Variants in ATP8A2 observed in about 807,000 individuals in gnomAD.
ATP8A2 encodes the protein phospholipid-transporting ATPase IB.
A neutral mutation model predicts 165.6 loss-of-function variants in ATP8A2; 100 were observed. That is an observed-to-expected ratio of 0.60 (90% confidence interval 0.51 to 0.71). ATP8A2 has a LOEUF of 0.71. ATP8A2 is among the 30% of genes least tolerant of loss of function. The pLI is 0.00. For missense variants in ATP8A2, 1,227 were observed against 1,479.5 expected (o/e 0.83, Z 2.80); for synonymous variants, 543 against 548.8 (o/e 0.99, Z 0.15).
At chr13:25,871,110 GTTT>G in intron 33 of ATP8A2, 2 of 199,644 alleles carry the variant, frequency 1.0e-5, no homozygotes, top group Non-Finnish European at 1.1e-5. Context: ...TGATTGAGTG[GTTT>G]TTTTTTTTCT....
intron 33 of ATP8A2, among the ~76,000 whole-genome samples, chr13:25,899,018 G>A (rs566785293): frequency 6.6e-6 from 1 of 152,312 alleles, no homozygotes; most frequent in Admixed American, 6.5e-5. Flanking sequence ...CTCACGCATG[G>A]TGCCCTGCAC....
chr13:25,797,956 A>G (rs1244147725), intron 27 of ATP8A2, among the ~76,000 whole-genome samples: 1 of 152,206 alleles, frequency 6.6e-6, no homozygotes, highest in Admixed American at 6.5e-5. Context: ...AAATCTGACT[A>G]TTTAAGAGAT....
chr13:25,720,690 A>G (rs1445936426), intron 25 of ATP8A2, among the ~76,000 whole-genome samples: 1 of 152,100 alleles, frequency 6.6e-6, no homozygotes, highest in Non-Finnish European at 1.5e-5. Flanking sequence ...CCTCAGAACC[A>G]TGTGCATTTC....
intron 33 of ATP8A2, among the ~76,000 whole-genome samples, chr13:25,903,537 A>G (rs926098445): frequency 2.6e-5 from 4 of 152,198 alleles, no homozygotes; most frequent in Non-Finnish European, 5.9e-5. Context: ...TTCTGGCCTC[A>G]TTAAGAGAGT....
chr13:25,492,717 C>G (rs937512696), intron 2 of ATP8A2, among the ~76,000 whole-genome samples: 2 of 152,192 alleles, frequency 1.3e-5, no homozygotes, highest in South Asian at 4.1e-4. Flanking sequence ...ATTCTGAAAT[C>G]CTGTGGTTGA....
intron 33 of ATP8A2, among the ~76,000 whole-genome samples, chr13:25,929,663 A>G (rs568840298): frequency 6.6e-6 from 1 of 152,272 alleles, no homozygotes; most frequent in East Asian, 1.9e-4. Flanking sequence ...GTTTGAGACC[A>G]GCCTGGCAAC....
At chr13:25,821,709 A>G (rs1359757662) in intron 27 of ATP8A2, among the ~76,000 whole-genome samples, 1 of 152,176 alleles carries the variant, frequency 6.6e-6, no homozygotes, top group Non-Finnish European at 1.5e-5. Context: ...CATTATTGAC[A>G]TTTTGGACTA....
At chr13:25,987,717 T>G (rs569305865) in intron 35 of ATP8A2, among the ~76,000 whole-genome samples, 1 of 152,348 alleles carries the variant, frequency 6.6e-6, no homozygotes, top group South Asian at 2.1e-4. Flanking sequence ...TAGGCCTGGT[T>G]CTTGATCTGG....
intron 25 of ATP8A2, among the ~76,000 whole-genome samples, chr13:25,711,205 A>G (rs1280595397): frequency 1.3e-5 from 2 of 152,024 alleles, no homozygotes; most frequent in African/African-American, 2.4e-5. Flanking sequence ...GGGTTTCACT[A>G]TGTTGACGAG....
chr13:25,735,209 G>A (rs2043740936), intron 25 of ATP8A2, among the ~76,000 whole-genome samples: 1 of 152,230 alleles, frequency 6.6e-6, no homozygotes, highest in Non-Finnish European at 1.5e-5. Context: ...TGTAGCTGAA[G>A]AGTTAGAGGT....
At chr13:25,685,173 T>TGCCCAGGCCTCACACTCAGTTACTGA in intron 24 of ATP8A2, among the ~76,000 whole-genome samples, 2 of 152,158 alleles carry the variant, frequency 1.3e-5, no homozygotes, top group Non-Finnish European at 2.9e-5. Flanking sequence ...ACACAGCCCC[T>TGCCCAGGCCTCACACTCAGTTACTGA]GCCCAGGCCT....
chr13:25,918,318 A>G (rs1954328081), intron 33 of ATP8A2, among the ~76,000 whole-genome samples: 1 of 152,204 alleles, frequency 6.6e-6, no homozygotes, highest in South Asian at 2.1e-4. Context: ...GAAATTTGTA[A>G]CAAGAAATGA....
At chr13:25,599,279 T>G (rs932278638) in intron 24 of ATP8A2, among the ~76,000 whole-genome samples, 3 of 152,184 alleles carry the variant, frequency 2.0e-5, no homozygotes, top group East Asian at 1.9e-4. Flanking sequence ...TCTCTAACAT[T>G]CTTTGTCTCC....
intron 2 of ATP8A2, among the ~76,000 whole-genome samples, chr13:25,518,407 G>A (rs61948597): frequency 0.038 from 5,837 of 152,328 alleles, 145 homozygotes; most frequent in Non-Finnish European, 0.05. Flanking sequence ...AACGCTTACT[G>A]TATGTTGGGA....
At chr13:25,548,144 T>G (rs931765120) in intron 10 of ATP8A2, among the ~76,000 whole-genome samples, 1 of 152,124 alleles carries the variant, frequency 6.6e-6, no homozygotes, top group African/African-American at 2.4e-5. Context: ...AAGAATCGCT[T>G]GAACCTGGGA....
intron 34 of ATP8A2, among the ~76,000 whole-genome samples, chr13:25,965,313 T>G (rs1342214430): frequency 6.6e-6 from 1 of 152,206 alleles, no homozygotes; most frequent in Non-Finnish European, 1.5e-5. Flanking sequence ...CCTGAGCTGT[T>G]AAGAGTAAGA....
At chr13:25,454,738 G>A (rs1295771360) in intron 1 of ATP8A2, among the ~76,000 whole-genome samples, 2 of 152,164 alleles carry the variant, frequency 1.3e-5, no homozygotes, top group Admixed American at 6.5e-5. Flanking sequence ...CCTGACCAAC[G>A]TGGTGAAACC....
At chr13:25,748,108 T>C (rs990481078) in intron 25 of ATP8A2, among the ~76,000 whole-genome samples, 6 of 152,264 alleles carry the variant, frequency 3.9e-5, no homozygotes, top group African/African-American at 1.4e-4. Context: ...TGTATCATCA[T>C]ATTTGTTTAA....
chr13:25,593,110 AT>A (rs1333053154), intron 24 of ATP8A2, among the ~76,000 whole-genome samples: 2 of 152,012 alleles, frequency 1.3e-5, no homozygotes, highest in Non-Finnish European at 2.9e-5. Flanking sequence ...TTAAAATCGT[AT>A]TTGGTGGTGG....
Sources: gnomAD v4.1 joint callset for allele counts (sites outside exome capture counted in the v4.1 genomes callset) on GRCh38, gnomAD v4.1.1 for gene constraint, MANE v1.5 for transcripts, NCBI Gene and HGNC (gene_info 2026-07-23, HGNC 2026-07-21) for gene names.